Variants in PI4K2A observed in about 807,000 individuals in gnomAD.
PI4K2A encodes phosphatidylinositol 4-kinase type 2 alpha.
PI4K2A carries 20 observed loss-of-function variants against 55.0 expected under a neutral mutation model. That is an observed-to-expected ratio of 0.36 (90% CI 0.26 to 0.53). The LOEUF (loss-of-function observed/expected upper bound fraction) is 0.53. PI4K2A is among the 20% of genes least tolerant of loss of function. The pLI, the probability that PI4K2A is intolerant of heterozygous loss-of-function variation, is 0.91. For missense variants in PI4K2A, 463 were observed against 637.1 expected (o/e 0.73, Z 2.94); for synonymous variants, 235 against 258.5 (o/e 0.91, Z 0.87).
At position 97,656,989 on chromosome 10, in the gene PI4K2A, G is replaced by T. The variant is rs780836950; in HGVS notation, c.922+15G>T. 3.7e-6 allele frequency: 6 copies of T among 1,613,918 alleles called. No individual in the cohort carries two copies. The highest frequency in any genetic ancestry group is 5.1e-6 in the Non-Finnish European group (6 of 1,179,936). On this transcript the variant is annotated intron_variant, in intron 4 of 8. Coordinates refer to ENST00000370631, the Ensembl canonical transcript of PI4K2A. This position sits in a 1 kb window ranked among gnomAD's most constrained non-coding sequence, Gnocchi z 4.5. ...CCGCAACACTGGTGAGCAGCTGCAGGTGGTCCCATGCCCTGTGCCAGACTG... is the reference window on the plus strand; with the variant it reads ...CCGCAACACTGGTGAGCAGCTGCAGTTGGTCCCATGCCCTGTGCCAGACTG...
intron 8 of PI4K2A, among the ~76,000 whole-genome samples, chr10:97,670,767 T>C (rs2041631023): frequency 6.6e-6 from 1 of 152,158 alleles, no homozygotes; most frequent in African/African-American, 2.4e-5. Context: ...TGTGTGTCTG[T>C]GTGATTTCAG....
At chr10:97,665,509 G>A (rs575552820) in intron 6 of PI4K2A, among the ~76,000 whole-genome samples, 1 of 152,202 alleles carries the variant, frequency 6.6e-6, no homozygotes, top group Admixed American at 6.5e-5. Context: ...CCTGACTTCA[G>A]GTGATCTGCC....
chr10:97,666,692 C>A, intron 7 of PI4K2A, 121 bp downstream of exon 7: 1 of 796,324 alleles, frequency 1.3e-6, no homozygotes, highest in Non-Finnish European at 2.0e-6. Context: ...TTGAGTTAGC[C>A]AACGAATAGC....
At chr10:97,665,355 A>G (rs1335858455) in intron 6 of PI4K2A, among the ~76,000 whole-genome samples, 2 of 151,510 alleles carry the variant, frequency 1.3e-5, no homozygotes. Context: ...GCCCACTGCA[A>G]CCTCCACCTC....
At chr10:97,651,175 T>C in intron 2 of PI4K2A, 34 bp downstream of exon 2, 2 of 1,553,818 alleles carry the variant, frequency 1.3e-6, no homozygotes, top group South Asian at 1.1e-5. Flanking sequence ...CCTTACTGCC[T>C]GGCCACAGTT....
At chr10:97,668,387 G>A (rs1432325541) in intron 8 of PI4K2A, among the ~76,000 whole-genome samples, 1 of 152,168 alleles carries the variant, frequency 6.6e-6, no homozygotes, top group Non-Finnish European at 1.5e-5. Context: ...AGACCAGCCT[G>A]GGCAACATGG....
rs191262215 is a variant in PI4K2A, at chr10:97,673,014, T to C, written c.1279-567T>C. Among the ~76,000 whole-genome samples the C allele has an allele frequency of 2.6e-5, 4 of 151,794 alleles. No individual in the cohort carries two copies. In the East Asian group the frequency reaches 7.7e-4, roughly 29 times the overall value. On this transcript the variant is annotated intron_variant, in intron 8 of 8. Transcript: ENST00000370631. ...TCTTTTTGTTTTTTGAGATGGAGTCTCTCACTCTGTTACCCAGGCTGGAGT... is the reference window on the plus strand; with the variant it reads ...TCTTTTTGTTTTTTGAGATGGAGTCCCTCACTCTGTTACCCAGGCTGGAGT...
chr10:97,658,001 A>G (rs2135757113), intron 4 of PI4K2A, among the ~76,000 whole-genome samples: 1 of 152,064 alleles, frequency 6.6e-6, no homozygotes, highest in African/African-American at 2.4e-5. Flanking sequence ...ATGCATGGCT[A>G]ATTTTTGTGT....
Position 97,662,395 on chromosome 10 carries a change from G to A in PI4K2A, c.923-512G>A, listed in dbSNP as rs550396292. Among the ~76,000 whole-genome samples the A allele has an allele frequency of 5.4e-3, 822 of 152,282 alleles. 8 individuals carry two copies. The highest frequency in any genetic ancestry group is 7.2e-3 in the Non-Finnish European group (491 of 68,024). ...ATGTCATTGTAAATCCTGTCTGGAG[G>A]AAGATTTCTTTTGGCAAGCATCTAG... On this transcript the variant is annotated intron_variant, in intron 4 of 8. Transcript: ENST00000370631.
intron 1 of PI4K2A, among the ~76,000 whole-genome samples, chr10:97,646,500 A>G (rs2041505612): frequency 6.6e-6 from 1 of 152,180 alleles, no homozygotes; most frequent in African/African-American, 2.4e-5. Flanking sequence ...TACAGGCATG[A>G]GCCACCACAC....
chr10:97,665,957 T>C lies in PI4K2A; in HGVS notation c.1085-481T>C, dbSNP rs569178726. Among the ~76,000 whole-genome samples the C allele has an allele frequency of 5.3e-4, 81 of 152,304 alleles. No individual in the cohort carries two copies. In the South Asian group the frequency reaches 6.2e-3, roughly 12 times the overall value. ...ATATTTCCTGAAATATCTTTTTTTTTCCTGTTATCTGAGGACTGTCTTTCC... is the reference window on the plus strand; with the variant it reads ...ATATTTCCTGAAATATCTTTTTTTTCCCTGTTATCTGAGGACTGTCTTTCC... On this transcript the variant is annotated intron_variant, in intron 6 of 8. Coordinates refer to ENST00000370631, the Ensembl canonical transcript of PI4K2A.
chr10:97,657,051 T>C, intron 4 of PI4K2A, 77 bp downstream of exon 4: 1 of 1,471,558 alleles, frequency 6.8e-7, no homozygotes, highest in Non-Finnish European at 9.4e-7. Context: ...CTTGCAGGGC[T>C]TGGGAGTCAG....
intron 5 of PI4K2A, among the ~76,000 whole-genome samples, 176 bp downstream of exon 5, chr10:97,663,144 CCTA>C (rs2041594232): frequency 6.6e-6 from 1 of 152,150 alleles, no homozygotes; most frequent in Admixed American, 6.5e-5. Flanking sequence ...TCAAGGACAT[CCTA>C]CTGACACATG....
intron 8 of PI4K2A, among the ~76,000 whole-genome samples, chr10:97,670,460 G>GA (rs374191558): frequency 3.3e-5 from 5 of 152,034 alleles, no homozygotes; most frequent in African/African-American, 1.2e-4. Flanking sequence ...TGATGTATCT[G>GA]AATAATATCT....
At chr10:97,659,795 T>G (rs1269557249) in intron 4 of PI4K2A, among the ~76,000 whole-genome samples, 6 of 151,918 alleles carry the variant, frequency 3.9e-5, no homozygotes, top group African/African-American at 1.5e-4. Flanking sequence ...GTCCAGGCTT[T>G]CCCCTGCAAG....
exon 6 of PI4K2A, chr10:97,664,956 A>T (rs942436361): frequency 6.2e-7 from 1 of 1,613,528 alleles, no homozygotes; most frequent in Non-Finnish European, 8.5e-7. Context: ...TGGCCTTCCC[A>T]CTGAAGCATC....
intron 5 of PI4K2A, among the ~76,000 whole-genome samples, chr10:97,663,756 G>A (rs180773831): frequency 0.014 from 2,144 of 150,514 alleles, 39 homozygotes; most frequent in African/African-American, 0.048. Flanking sequence ...GGAGGCTGAG[G>A]TTGCAGTGAG....
chr10:97,667,203 G>A (rs2041613553), intron 8 of PI4K2A, 83 bp downstream of exon 8: 1 of 982,542 alleles, frequency 1.0e-6, no homozygotes, highest in Non-Finnish European at 1.6e-6. Context: ...TGAAGTTTGT[G>A]TTTTATACCC....
At chr10:97,645,563 G>A (rs1292467117) in intron 1 of PI4K2A, among the ~76,000 whole-genome samples, 3 of 145,870 alleles carry the variant, frequency 2.1e-5, no homozygotes, top group South Asian at 2.2e-4. Context: ...AGCCAAGATC[G>A]TGCCACTGCT....
Sources: gnomAD v4.1 joint callset for allele counts (sites outside exome capture counted in the v4.1 genomes callset) on GRCh38, gnomAD v4.1.1 for gene constraint, Gnocchi (gnomAD v3.1) non-coding constraint, MANE v1.5 for transcripts, NCBI Gene and HGNC (gene_info 2026-07-23, HGNC 2026-07-21) for gene names.